The following IFTAP variants were observed in gnomAD, a reference collection of about 807,000 sequenced individuals.
The protein encoded by IFTAP is intraflagellar transport-associated protein.
In IFTAP, 19 loss-of-function variants were observed where a neutral mutation model predicts 19.4. The observed-to-expected ratio is 0.98, with a 90% CI of 0.68 to 1.44. The LOEUF (loss-of-function observed/expected upper bound fraction) is 1.44. IFTAP is among the 40% of genes most tolerant of loss of function. The pLI, the probability that IFTAP is intolerant of heterozygous loss-of-function variation, is 0.00. For synonymous variants in IFTAP, 85 were observed against 83.5 expected (o/e 1.02, Z -0.10); for missense variants, 240 against 253.6 (o/e 0.95, Z 0.36).
At chr11:36,618,823 AAAG>A (rs1179886673) in intron 2 of IFTAP, among the ~76,000 whole-genome samples, 5 of 152,064 alleles carry the variant, frequency 3.3e-5, no homozygotes, top group African/African-American at 4.8e-5. Flanking sequence ...AAGGTAGAGC[AAAG>A]AAGAAGTAGA....
chr11:36,620,527 A>G (rs1294075760), intron 2 of IFTAP, among the ~76,000 whole-genome samples: 1 of 152,006 alleles, frequency 6.6e-6, no homozygotes, highest in African/African-American at 2.4e-5. Context: ...TGATCAAGCC[A>G]TTTTGTTTTA....
chr11:36,629,772 T>C (rs1216155268), intron 2 of IFTAP, among the ~76,000 whole-genome samples: 5 of 151,200 alleles, frequency 3.3e-5, no homozygotes, highest in African/African-American at 1.2e-4. Context: ...AAGGGAGATC[T>C]GTTGGAAGCT....
intron 1 of IFTAP, among the ~76,000 whole-genome samples, chr11:36,596,566 G>A (rs1851268336): frequency 6.6e-6 from 1 of 152,176 alleles, no homozygotes; most frequent in East Asian, 1.9e-4. Flanking sequence ...GAAACTAAAA[G>A]GAGACATTAT....
At chr11:36,614,714 C>T (rs1334589129) in intron 2 of IFTAP, among the ~76,000 whole-genome samples, 2 of 148,528 alleles carry the variant, frequency 1.3e-5, no homozygotes, top group African/African-American at 5.1e-5. Context: ...GCATAAATGT[C>T]TTCTTTTGAG....
At chr11:36,607,895 A>G (rs1399015932) in intron 1 of IFTAP, among the ~76,000 whole-genome samples, 1 of 152,118 alleles carries the variant, frequency 6.6e-6, no homozygotes, top group East Asian at 1.9e-4. Context: ...CTGGTCTCAA[A>G]CTTCCAGCCT....
chr11:36,657,136 G>A (rs1238888494), intron 5 of IFTAP, among the ~76,000 whole-genome samples: 1 of 152,144 alleles, frequency 6.6e-6, no homozygotes, highest in Non-Finnish European at 1.5e-5. Context: ...GAATATATTG[G>A]TGGAAACAGG....
intron 1 of IFTAP, among the ~76,000 whole-genome samples, chr11:36,595,761 T>C (rs111997603): frequency 0.016 from 2,441 of 152,380 alleles, 58 homozygotes; most frequent in African/African-American, 0.055. Flanking sequence ...AGACGATAGT[T>C]ATGATTATTT....
intron 1 of IFTAP, among the ~76,000 whole-genome samples, chr11:36,606,144 G>A (rs976590353): frequency 6.6e-6 from 1 of 152,202 alleles, no homozygotes; most frequent in Non-Finnish European, 1.5e-5. Flanking sequence ...TTGTGAAACT[G>A]CATGTTCCAA....
Position 36,633,406 on chromosome 11 carries a change from C to A in IFTAP, c.259C>A (p.Leu87Ile). 1 of 1,599,814 alleles carries A rather than the reference C, an allele frequency of 6.3e-7. No homozygotes were observed. Among genetic ancestry groups the A allele is most frequent in the Non-Finnish European group, 8.5e-7 (1 of 1,173,632 alleles). The change falls in exon 3 of 6, where the codon CTT becomes ATT. Residue 87 changes from leucine (L) to isoleucine (I), a missense_variant. Physicochemically the swap from Leu to Ile is conservative, Grantham distance 5. Coordinates refer to ENST00000334307, the MANE Select transcript of IFTAP (RefSeq NM_138787.4). ...CCATCTTAGAAATAAAACCATCTTT[C>A]TTCGTACTTCATCACAATGTTTGGA... The part of the protein sequence containing the change: ...DYHLRNKTIF[L>I]RTSSQCLEEQ...
chr11:36,631,157 A>T (rs1340337611), intron 2 of IFTAP, among the ~76,000 whole-genome samples: 1 of 151,446 alleles, frequency 6.6e-6, no homozygotes, highest in Admixed American at 6.6e-5. Context: ...CCAGCCCTCC[A>T]CCCACAGAAG....
intron 5 of IFTAP, among the ~76,000 whole-genome samples, chr11:36,650,544 C>CTTTT (rs11378736): frequency 7.1e-6 from 1 of 141,166 alleles, no homozygotes; most frequent in African/African-American, 2.6e-5. Context: ...ACCACTGGTT[C>CTTTT]TTTTTTTTTT....
At chr11:36,642,414 A>T (rs141484196) in intron 4 of IFTAP, among the ~76,000 whole-genome samples, 1 of 152,196 alleles carries the variant, frequency 6.6e-6, no homozygotes, top group Non-Finnish European at 1.5e-5. Context: ...TCACAGCCAA[A>T]TTCTACCAGA....
intron 4 of IFTAP, among the ~76,000 whole-genome samples, chr11:36,644,100 C>T (rs1853358703): frequency 6.6e-6 from 1 of 152,158 alleles, no homozygotes; most frequent in Non-Finnish European, 1.5e-5. Flanking sequence ...ATCTACTCAA[C>T]TGACAAAGGG....
intron 2 of IFTAP, among the ~76,000 whole-genome samples, chr11:36,614,975 C>T (rs371414933): frequency 5.6e-5 from 8 of 143,682 alleles, no homozygotes; most frequent in Admixed American, 2.8e-4. Flanking sequence ...TTTGGTGTTT[C>T]AGACATGAAG....
intron 5 of IFTAP, among the ~76,000 whole-genome samples, chr11:36,655,148 T>C (rs1853920565): frequency 6.6e-6 from 1 of 152,198 alleles, no homozygotes; most frequent in African/African-American, 2.4e-5. Flanking sequence ...TATTTGTCTC[T>C]TGCTACTCTC....
intron 5 of IFTAP, 77 bp from the exon 6 acceptor site, chr11:36,658,942 T>C: frequency 2.8e-6 from 3 of 1,066,448 alleles, no homozygotes; most frequent in Admixed American, 6.3e-5. Flanking sequence ...TAAATATTAA[T>C]AGGGAGTTAA....
rs993562812 is a variant in IFTAP at position 36,648,523 on chromosome 11, C to T, written c.498+368C>T. ...AACTTTTGAATTAGTTGAGGTAAGG[C>T]CAGGCTGCTATAACAGAGAATCCTA... On this transcript the variant is annotated intron_variant, in intron 5 of 5. Coordinates refer to ENST00000334307, the MANE Select transcript of IFTAP (RefSeq NM_138787.4). Among the ~76,000 whole-genome samples, 18 of 152,202 alleles carry T rather than the reference C, an allele frequency of 1.2e-4. 1 individual carries two copies. The highest frequency in any genetic ancestry group is 4.1e-4 in the African/African-American group (17 of 41,540).
chr11:36,648,169 A>T lies in IFTAP; in HGVS notation c.498+14A>T. On this transcript the variant is annotated intron_variant, in intron 5 of 5. Coordinates refer to ENST00000334307, the MANE Select transcript of IFTAP (RefSeq NM_138787.4). Reference sequence around the variant, plus strand: ...CAGACGGAAGAGGTACTCCACAGGGAATTCAGTCATTCTCCACACTGCCTT... The same window carrying T: ...CAGACGGAAGAGGTACTCCACAGGGTATTCAGTCATTCTCCACACTGCCTT... The T allele has an allele frequency of 6.2e-7, 1 of 1,610,606 alleles. No homozygotes were observed. Among genetic ancestry groups the T allele is most frequent in the Non-Finnish European group, 8.5e-7 (1 of 1,177,986 alleles).
intron 1 of IFTAP, chr11:36,595,071 T>G (rs970363971): frequency 2.0e-5 from 3 of 152,118 alleles, no homozygotes; most frequent in Non-Finnish European, 4.4e-5. Context: ...AGAAATACAG[T>G]TATTAGGTTT....
Sources: allele counts gnomAD v4.1 joint callset (sites outside exome capture counted in the v4.1 genomes callset), GRCh38; gene constraint gnomAD v4.1.1; transcripts MANE v1.5; gene names NCBI Gene and HGNC (gene_info 2026-07-23, HGNC 2026-07-21).